The following PLEKHG1 variants were observed in gnomAD, a reference collection of about 807,000 sequenced individuals.
The protein encoded by PLEKHG1 is pleckstrin homology and RhoGEF domain containing G1, also known as pleckstrin homology domain-containing family G member 1.
PLEKHG1 carries 44 observed loss-of-function variants against 100.8 expected under a neutral mutation model. That is an observed-to-expected ratio of 0.44 (90% CI 0.34 to 0.56). PLEKHG1 has a LOEUF of 0.56. PLEKHG1 is among the 20% of genes least tolerant of loss of function. The probability of loss-of-function intolerance (pLI) is 0.01; values close to 1 mark genes in which losing one functional copy is unlikely to be tolerated. For missense variants in PLEKHG1, 1,545 were observed against 1,720.9 expected (o/e 0.90, Z 1.81); for synonymous variants, 640 against 662.5 (o/e 0.97, Z 0.52).
intron 2 of PLEKHG1, among the ~76,000 whole-genome samples, chr6:150,748,683 C>T (rs1783312389): frequency 6.8e-6 from 1 of 147,690 alleles, no homozygotes; most frequent in Non-Finnish European, 1.5e-5. Context: ...TGCAGTGCCA[C>T]GATCACGGCT....
intron 3 of PLEKHG1, among the ~76,000 whole-genome samples, chr6:150,701,717 G>A (rs1780800150): frequency 6.7e-6 from 1 of 149,780 alleles, no homozygotes; most frequent in African/African-American, 2.5e-5. Context: ...GGGGATGTAT[G>A]TGAGACCTGT....
At chr6:150,645,767 AG>A (rs1778466787) in intron 2 of PLEKHG1, among the ~76,000 whole-genome samples, 1 of 151,738 alleles carries the variant, frequency 6.6e-6, no homozygotes, top group Non-Finnish European at 1.5e-5. Context: ...GTGTAGAGCC[AG>A]TGGAACTCTT....
At chr6:150,722,071 C>T (rs1323775560) in intron 1 of PLEKHG1, among the ~76,000 whole-genome samples, 2 of 151,736 alleles carry the variant, frequency 1.3e-5, no homozygotes, top group African/African-American at 2.4e-5. Context: ...TCAGTAAAAC[C>T]GATGTTAACA....
intron 3 of PLEKHG1, among the ~76,000 whole-genome samples, chr6:150,713,208 A>AG (rs1443085902): frequency 6.6e-6 from 1 of 152,166 alleles, no homozygotes; most frequent in African/African-American, 2.4e-5. Context: ...TTGTGGCAAC[A>AG]GAGGGGTATT....
intron 13 of PLEKHG1, among the ~76,000 whole-genome samples, chr6:150,822,777 C>T (rs569313686): frequency 2.3e-4 from 35 of 152,242 alleles, no homozygotes; most frequent in African/African-American, 7.5e-4. Flanking sequence ...GTCAGGAGTT[C>T]GTGACCAACC....
intron 3 of PLEKHG1, among the ~76,000 whole-genome samples, chr6:150,674,682 T>TCTCTCTCTCTCCTCTCTCTCTCTCTCTCC (rs1455673564): frequency 9.6e-6 from 1 of 104,234 alleles, no homozygotes. Context: ...TCTCTCTCTC[T>TCTCTCTCTCTCCTCTCTCTCTCTCTCTCC]CCCCCCTCTT....
chr6:150,704,860 C>T (rs1444836626), intron 3 of PLEKHG1, among the ~76,000 whole-genome samples: 6 of 152,198 alleles, frequency 3.9e-5, no homozygotes, highest in South Asian at 2.1e-4. Context: ...GGCTTACAGA[C>T]GGCTGCCTTC....
chr6:150,602,194 C>G (rs970221796), intron 1 of PLEKHG1, among the ~76,000 whole-genome samples: 1 of 152,222 alleles, frequency 6.6e-6, no homozygotes, highest in South Asian at 2.1e-4. Context: ...ATTCCTGAAG[C>G]TATTATCTTA....
chr6:150,781,269 C>T (rs1200190850), intron 3 of PLEKHG1, among the ~76,000 whole-genome samples: 1 of 151,204 alleles, frequency 6.6e-6, no homozygotes, highest in Non-Finnish European at 1.5e-5. Flanking sequence ...CTTTGGGAGG[C>T]CAAGGCAGGT....
intron 5 of PLEKHG1, 86 bp downstream of exon 6, chr6:150,795,988 C>A: frequency 2.4e-6 from 2 of 845,846 alleles, no homozygotes; most frequent in South Asian, 1.5e-5. Flanking sequence ...GGTTGTTAGG[C>A]ATTCTGTGCC....
intron 14 of PLEKHG1, among the ~76,000 whole-genome samples, chr6:150,829,493 C>T (rs962057396): frequency 2.6e-5 from 4 of 152,122 alleles, no homozygotes; most frequent in African/African-American, 9.7e-5. Flanking sequence ...TGGCGGGCAC[C>T]TATAATCCCA....
intron 14 of PLEKHG1, chr6:150,828,434 A>AT (rs921926833): frequency 1.3e-6 from 2 of 1,494,698 alleles, no homozygotes; most frequent in African/African-American, 2.8e-5. Context: ...AATTGTCTGG[A>AT]TTTTTTAAAA....
chr6:150,653,836 T>G (rs908359845), intron 3 of PLEKHG1, among the ~76,000 whole-genome samples: 5 of 152,196 alleles, frequency 3.3e-5, no homozygotes, highest in African/African-American at 1.2e-4. Flanking sequence ...GAGAGATGCA[T>G]GCTTATATCA....
chr6:150,623,644 C>T (rs753823136), intron 1 of PLEKHG1, among the ~76,000 whole-genome samples: 1 of 152,240 alleles, frequency 6.6e-6, no homozygotes, highest in African/African-American at 2.4e-5. Context: ...AGGCCCCCCA[C>T]GTGTGCACTG....
chr6:150,818,211 C>A, exon 11 of PLEKHG1: 1 of 1,601,222 alleles, frequency 6.2e-7, no homozygotes, highest in Non-Finnish European at 8.6e-7. Context: ...GAAATGGATG[C>A]CATTCGTAAG....
intron 1 of PLEKHG1, among the ~76,000 whole-genome samples, chr6:150,619,438 A>G (rs923983464): frequency 5.3e-5 from 8 of 152,216 alleles, no homozygotes; most frequent in African/African-American, 1.7e-4. Context: ...CATCCAGCTC[A>G]GGAAACCAGT....
chr6:150,752,847 C>T (rs1783598438), intron 2 of PLEKHG1, among the ~76,000 whole-genome samples: 1 of 152,134 alleles, frequency 6.6e-6, no homozygotes, highest in Non-Finnish European at 1.5e-5. Context: ...TACAGTGGCT[C>T]GTGCCTGTAA....
At chr6:150,689,370 C>G (rs1480120565) in intron 3 of PLEKHG1, among the ~76,000 whole-genome samples, 1 of 152,060 alleles carries the variant, frequency 6.6e-6, no homozygotes, top group African/African-American at 2.4e-5. Flanking sequence ...TTAAATATAA[C>G]TTAAGTGTGA....
chr6:150,802,664 ATTT>A (rs71554484), intron 6 of PLEKHG1, among the ~76,000 whole-genome samples: 1 of 143,414 alleles, frequency 7.0e-6, no homozygotes, highest in African/African-American at 2.6e-5. Flanking sequence ...CATTCACATC[ATTT>A]TTTTTTTTTT....
Sources: gnomAD v4.1 joint callset for allele counts (sites outside exome capture counted in the v4.1 genomes callset) on GRCh38, gnomAD v4.1.1 for gene constraint, MANE v1.5 for transcripts, NCBI Gene and HGNC (gene_info 2026-07-23, HGNC 2026-07-21) for gene names.